FBXL5: variants seen among roughly 807,000 people sequenced by gnomAD.
FBXL5 encodes F-box/LRR-repeat protein 5.
A neutral mutation model predicts 78.3 loss-of-function variants in FBXL5; 26 were observed. That is an observed-to-expected ratio of 0.33 (90% CI 0.24 to 0.46). FBXL5 has a LOEUF of 0.46. Among genes scored for constraint, FBXL5 ranks in the 20% least tolerant of loss-of-function variants. FBXL5 has a pLI of 1.00. For synonymous variants in FBXL5, 295 were observed against 282.5 expected (o/e 1.04, Z -0.45); for missense variants, 710 against 829.2 (o/e 0.86, Z 1.77).
intron 5 of FBXL5, among the ~76,000 whole-genome samples, chr4:15,633,001 C>A (rs1169841934): frequency 1.3e-5 from 2 of 152,190 alleles, no homozygotes; most frequent in African/African-American, 2.4e-5. Flanking sequence ...AAAGGGAATG[C>A]TTCCAGTTTT....
intron 10 of FBXL5, among the ~76,000 whole-genome samples, chr4:15,610,510 C>T (rs1722177244): frequency 6.6e-6 from 1 of 151,988 alleles, no homozygotes; most frequent in Non-Finnish European, 1.5e-5. Flanking sequence ...TCCAAAAAAA[C>T]TTTTACATTC....
chr4:15,620,517 G>T (rs926234090), intron 9 of FBXL5, among the ~76,000 whole-genome samples: 3 of 152,336 alleles, frequency 2.0e-5, no homozygotes, highest in South Asian at 4.1e-4. Context: ...CACACCTCTT[G>T]ATTTCAAAAC....
At chr4:15,607,673 C>T (rs1165837376) in intron 10 of FBXL5, among the ~76,000 whole-genome samples, 7 of 152,016 alleles carry the variant, frequency 4.6e-5, no homozygotes, top group South Asian at 4.1e-4. Flanking sequence ...TTCCTCACCC[C>T]TTACACTGCC....
chr4:15,614,780 A>C (rs4698116), intron 9 of FBXL5, among the ~76,000 whole-genome samples: 1 of 151,952 alleles, frequency 6.6e-6, no homozygotes, highest in Non-Finnish European at 1.5e-5. Context: ...GCTTGCTCTC[A>C]GCACCTCCTC....
In FBXL5 at chr4:15,636,475, T is replaced by A. The variant is rs138158281; in HGVS notation, c.766+19A>T. ...TCTAGAAAAATACATGAAAATATTT[T>A]AAAAACCCATTTACCTACCTCTGGC... On this transcript the variant is annotated intron_variant, in intron 5 of 10. Transcript: ENST00000341285. 2.0e-4 allele frequency: 302 copies of A among 1,477,984 alleles called. No homozygotes were observed. Among genetic ancestry groups the A allele is most frequent in the Non-Finnish European group, 2.3e-4 (252 of 1,109,206 alleles). The allele number at this position is 1,477,984 out of a possible 1,614,324, so 91.6% of individuals were successfully genotyped here.
chr4:15,604,702 C>A lies in FBXL5; in HGVS notation c.*1021G>T, dbSNP rs1357439524. ...ATCTGTATCAATAGGAGGAACATTG[C>A]CATTTTCTTCTACATGACATAAAAT... On this transcript the variant is annotated 3_prime_UTR_variant, in exon 11 of 11. Transcript: ENST00000341285. 1.3e-5 allele frequency: 2 copies of A among 152,182 alleles called. No homozygotes were observed. The highest frequency in any genetic ancestry group is 4.8e-5 in the African/African-American group (2 of 41,456). The allele number at this position is 152,182 out of a possible 1,614,324, so 9.4% of individuals were successfully genotyped here. A position where few individuals can be genotyped will look rare whatever the true frequency, so the allele number is the denominator to read the frequency against.
upstream of FBXL5, among the ~76,000 whole-genome samples, chr4:15,658,943 TAA>T (rs1717165664): frequency 6.6e-6 from 1 of 152,216 alleles, no homozygotes; most frequent in African/African-American, 2.4e-5. Flanking sequence ...GCTTGAGATA[TAA>T]AGTTGAATAA....
intron 1 of FBXL5, among the ~76,000 whole-genome samples, chr4:15,680,161 C>A (rs1022171718): frequency 6.6e-6 from 1 of 151,356 alleles, no homozygotes; most frequent in Non-Finnish European, 1.5e-5. Flanking sequence ...GAAGGAGAGA[C>A]CGAGTGAAAT....
chr4:15,604,629 T>C lies in FBXL5; in HGVS notation c.*1094A>G, dbSNP rs1721762768. 1 of 151,388 alleles carries C rather than the reference T, an allele frequency of 6.6e-6. No homozygotes were observed. Among genetic ancestry groups the C allele is most frequent in the Non-Finnish European group, 1.5e-5 (1 of 68,036 alleles). 9.4% of individuals were successfully genotyped at this position (151,388 alleles called of 1,614,324 possible). A position where few individuals can be genotyped will look rare whatever the true frequency, so the allele number is the denominator to read the frequency against. On this transcript the variant is annotated 3_prime_UTR_variant, in exon 11 of 11. Coordinates refer to ENST00000341285, the MANE Select transcript of FBXL5 (RefSeq NM_012161.4). ...CCTTCCATTTGTAAAAAATGCATTA[T>C]TTGCAAAGTGCAATAAAGCAAAACG...
chr4:15,662,471 A>G (rs960183944), upstream of FBXL5, among the ~76,000 whole-genome samples: 2 of 152,234 alleles, frequency 1.3e-5, no homozygotes, highest in Non-Finnish European at 2.9e-5. Flanking sequence ...TACCTGGCAT[A>G]TTAAGCATTC....
chr4:15,658,064 T>C (rs74854556), upstream of FBXL5, among the ~76,000 whole-genome samples: 3 of 152,216 alleles, frequency 2.0e-5, no homozygotes, highest in African/African-American at 4.8e-5. Context: ...ATATAACTTA[T>C]TCTGTTATCA....
chr4:15,654,343 G>A lies in FBXL5; in HGVS notation c.84+861C>T, dbSNP rs559483435. 2.6e-5 allele frequency among the ~76,000 whole-genome samples: 4 copies of A among 152,324 alleles called. No individual in the cohort carries two copies. The South Asian group carries it at 8.3e-4, about 32-fold the overall frequency. On this transcript the variant is annotated intron_variant, in intron 1 of 10. Transcript: ENST00000341285. ...ACATAAACTGACAAATACGTGGAAT[G>A]TTAATATTGTTTTAAAATCACTAGC... is the stretch of plus-strand genomic sequence containing the variant.
At chr4:15,655,422 C>A (rs1299586286), upstream of FBXL5, 40 of 996,308 alleles carry the variant, frequency 4.0e-5, no homozygotes, top group South Asian at 1.4e-3. Context: ...TCGGCTTGGC[C>A]GGCGGGGACG....
At position 15,605,575 on chromosome 4, in the gene FBXL5, A is replaced by T. The variant is rs1255672278; in HGVS notation, c.*148T>A. 2 of 632,028 alleles carry T rather than the reference A, an allele frequency of 3.2e-6. No individual in the cohort carries two copies. The highest frequency in any genetic ancestry group is 5.6e-6 in the Non-Finnish European group (2 of 356,494). The allele number at this position is 632,028 out of a possible 1,614,324, so 39.2% of individuals were successfully genotyped here. A position where few individuals can be genotyped will look rare whatever the true frequency, so the allele number is the denominator to read the frequency against. ...GAAACAACATTACAATTCACTGGTA[A>T]ATTAAGATTTCTGAAGTTGTAAGAA... On this transcript the variant is annotated 3_prime_UTR_variant, in exon 11 of 11. Transcript: ENST00000341285.
Position 15,627,968 on chromosome 4 carries a change from A to C in FBXL5, c.958T>G (p.Leu320Val), listed in dbSNP as rs759786389. The change falls in exon 7 of 11, where the codon TTA (leucine) becomes GTA (valine). Residue 320 changes from leucine (L) to valine (V), a missense_variant. Around this residue, in one of 4 missense-constraint regions of FBXL5, gnomAD observed 517 missense variants for 542.9 expected, o/e 0.95. Transcript: ENST00000341285. ...AQMEKRLLHG[L>V]IHNVLPYVGT... is the part of the protein sequence containing the mutation. ...ACATATGGTAGAACGTTATGAATTAAGCCATGGAGTAAACGTTTTTCCATT... is the reference window on the plus strand; with the variant it reads ...ACATATGGTAGAACGTTATGAATTACGCCATGGAGTAAACGTTTTTCCATT... 2.5e-6 allele frequency: 4 copies of C among 1,613,762 alleles called. No individual in the cohort carries two copies. In the Admixed American group the frequency reaches 6.7e-5, roughly 27 times the overall value.
intron 1 of FBXL5, among the ~76,000 whole-genome samples, chr4:15,666,824 A>C (rs1449223932): frequency 6.6e-6 from 1 of 152,052 alleles, no homozygotes; most frequent in Non-Finnish European, 1.5e-5. Flanking sequence ...CTGTCTCAAC[A>C]AACAAAACTA....
chr4:15,612,326 A>T lies in FBXL5; in HGVS notation c.1939T>A (p.Leu647Met). ...LTITGAGLQD[L>M]VSACPSLNDE... is the part of the protein sequence containing the mutation. ...TTCAGAGAAGGACATGCTGAAACCA[A>T]ATCCTGCAGGCCTGCACCAGTTATA... Residue 647 changes from leucine to methionine, a missense_variant, in exon 10 of 11, where the codon TTG becomes ATG. By Grantham distance (15) the Leu-to-Met change is conservative (BLOSUM62 2). Transcript: ENST00000341285. The T allele has an allele frequency of 6.2e-7, 1 of 1,612,736 alleles. No individual in the cohort carries two copies. The highest frequency in any genetic ancestry group is 2.2e-5 in the East Asian group (1 of 44,818).
chr4:15,649,187 G>A (rs1715664640), intron 1 of FBXL5, among the ~76,000 whole-genome samples: 1 of 151,926 alleles, frequency 6.6e-6, no homozygotes, highest in Non-Finnish European at 1.5e-5. Context: ...GCAACAGAGA[G>A]AAAAGTCCTT....
At chr4:15,660,897 C>T (rs529953472), upstream of FBXL5, among the ~76,000 whole-genome samples, 1 of 151,954 alleles carries the variant, frequency 6.6e-6, no homozygotes, top group East Asian at 1.9e-4. Context: ...GGCAACATGG[C>T]GAAACTCCAT....
Sources: allele counts gnomAD v4.1 joint callset (sites outside exome capture counted in the v4.1 genomes callset), GRCh38; gene constraint gnomAD v4.1.1; regional missense constraint gnomAD v4.1.1; transcripts MANE v1.5; gene names NCBI Gene and HGNC (gene_info 2026-07-23, HGNC 2026-07-21).